The following IFNAR2 variants were observed in gnomAD, a reference collection of about 807,000 sequenced individuals.
The protein encoded by IFNAR2 is interferon alpha and beta receptor subunit 2, also known as interferon alpha/beta receptor 2.
Under a neutral mutation model 49.4 loss-of-function variants are expected in IFNAR2, and 30 were observed. The observed-to-expected ratio is 0.61, with a 90% CI of 0.45 to 0.82. The LOEUF is 0.82. IFNAR2 is among the 40% of genes least tolerant of loss of function. The pLI is 0.00. For missense variants in IFNAR2, 600 were observed against 622.7 expected, an observed-to-expected ratio of 0.96 and a Z score of 0.39; for synonymous variants, 224 against 234.5, an observed-to-expected ratio of 0.96 and a Z score of 0.41.
At position 33,246,698 on chromosome 21, in the gene IFNAR2, C is replaced by G. The variant is rs2123483775; in HGVS notation, c.222-20C>G. 1 of 1,598,346 alleles carries G rather than the reference C, an allele frequency of 6.3e-7. No individual in the cohort carries two copies. Among genetic ancestry groups the G allele is most frequent in the African/African-American group, 1.3e-5 (1 of 74,130 alleles). On this transcript the variant is annotated intron_variant, in intron 4 of 8. Coordinates refer to ENST00000342136, the MANE Select transcript of IFNAR2 (RefSeq NM_001289125.3). ...CATCAATGCTAACAATTTCCTTTTT[C>G]CATTTTTTTCTTTCCAAAGTAAACC...
Position 33,263,909 on chromosome 21 carries a change from C to CAATG in IFNAR2, c.*410_*413dup, listed in dbSNP as rs1304847438. 3 of 157,482 alleles carry CAATG rather than the reference C, an allele frequency of 1.9e-5. No homozygotes were observed. Among genetic ancestry groups the CAATG allele is most frequent in the African/African-American group, 7.5e-5 (3 of 40,008 alleles). 9.8% of individuals were successfully genotyped at this position (157,482 alleles called of 1,614,324 possible). ...TCGTTCTGTCGCCCAAGCTGGAGCG[C>CAATG]AATGGTGTGATCTTGGCTCACTGCA... On this transcript the variant is annotated 3_prime_UTR_variant, in exon 9 of 9. Transcript: ENST00000342136.
intron 2 of IFNAR2, among the ~76,000 whole-genome samples, chr21:33,242,988 C>A (rs1322383460): frequency 6.6e-6 from 1 of 151,404 alleles, no homozygotes; most frequent in Non-Finnish European, 1.5e-5. Context: ...AAGGTTTCAC[C>A]ATGTTGGCCA....
intron 8 of IFNAR2, 164 bp from the exon 9 acceptor site, chr21:33,262,629 T>C (rs943619241): frequency 2.1e-5 from 21 of 988,784 alleles, no homozygotes; most frequent in Non-Finnish European, 3.0e-5. Context: ...CACTACAGTC[T>C]GAAACTCCTG....
intron 1 of IFNAR2, among the ~76,000 whole-genome samples, chr21:33,233,540 A>T (rs2123440816): frequency 6.6e-6 from 1 of 152,324 alleles, no homozygotes; most frequent in East Asian, 1.9e-4. Flanking sequence ...AAGAAGAAAA[A>T]GTAAAGGAGG....
intron 3 of IFNAR2, among the ~76,000 whole-genome samples, chr21:33,244,092 T>A (rs955914073): frequency 1.3e-5 from 2 of 152,222 alleles, no homozygotes; most frequent in Non-Finnish European, 2.9e-5. Context: ...AATTTTTTTT[T>A]AACTAAACTT....
chr21:33,252,984 G>T (rs908674077), intron 7 of IFNAR2, 154 bp downstream of exon 7: 5 of 707,340 alleles, frequency 7.1e-6, no homozygotes, highest in Non-Finnish European at 1.3e-5. Context: ...GTTGGTTCGT[G>T]TGTATGATCT....
At chr21:33,240,064 GC>G (rs1393006539) in intron 1 of IFNAR2, among the ~76,000 whole-genome samples, 1 of 151,634 alleles carries the variant, frequency 6.6e-6, no homozygotes, top group African/African-American at 2.4e-5. Flanking sequence ...TCCCTTCTGG[GC>G]CCCAGAGTGG....
At chr21:33,243,264 A>T (rs1417142883) in intron 2 of IFNAR2, among the ~76,000 whole-genome samples, 1 of 151,984 alleles carries the variant, frequency 6.6e-6, no homozygotes, top group Non-Finnish European at 1.5e-5. Context: ...TTGTATTTTT[A>T]GTAGAGACAG....
chr21:33,262,595 C>G, intron 8 of IFNAR2, 198 bp from the exon 9 acceptor site: 1 of 756,870 alleles, frequency 1.3e-6, no homozygotes, highest in Admixed American at 2.0e-5. Context: ...AATGCAGTGG[C>G]TATTCACAGG....
chr21:33,247,596 A>G (rs1293739901), intron 5 of IFNAR2, among the ~76,000 whole-genome samples: 4 of 151,898 alleles, frequency 2.6e-5, no homozygotes, highest in East Asian at 1.9e-4. Flanking sequence ...TTATAACCCA[A>G]TGTTCTTTTG....
chr21:33,253,194 G>T (rs1987981706), intron 7 of IFNAR2, among the ~76,000 whole-genome samples: 1 of 152,198 alleles, frequency 6.6e-6, no homozygotes, highest in Admixed American at 6.5e-5. Context: ...GTGGCATTAA[G>T]GGGTGAAAAG....
chr21:33,242,761 GT>G (rs2123471064), intron 2 of IFNAR2, among the ~76,000 whole-genome samples: 9 of 708 alleles, frequency 0.013, 3 homozygotes, highest in Non-Finnish European at 0.027. Context: ...TCGTGTGCGT[GT>G]GTGTGTGTGT....
chr21:33,239,781 G>C (rs1986777163), intron 1 of IFNAR2, among the ~76,000 whole-genome samples: 1 of 150,890 alleles, frequency 6.6e-6, no homozygotes, highest in Non-Finnish European at 1.5e-5. Flanking sequence ...AGCCCTCAAT[G>C]TTGTGAGCTA....
chr21:33,247,750 TACTTTTTC>T (rs1273073424), intron 5 of IFNAR2, among the ~76,000 whole-genome samples: 1 of 152,224 alleles, frequency 6.6e-6, no homozygotes, highest in Non-Finnish European at 1.5e-5. Context: ...CCAGCTGTGT[TACTTTTTC>T]AATTTCCCAC....
At chr21:33,243,862 T>A (rs1401475580) in intron 3 of IFNAR2, 148 bp downstream of exon 3, 2 of 688,918 alleles carry the variant, frequency 2.9e-6, no homozygotes, top group Non-Finnish European at 5.2e-6. Flanking sequence ...TAAAAGGAGC[T>A]AAAATGAGCT....
intron 7 of IFNAR2, among the ~76,000 whole-genome samples, chr21:33,254,712 G>A (rs1988091634): frequency 6.6e-6 from 1 of 152,098 alleles, no homozygotes; most frequent in Non-Finnish European, 1.5e-5. Context: ...CCTATGACCT[G>A]GAAGCCCCCC....
rs772270959 is a variant in IFNAR2, at chr21:33,260,571, A to G, written c.710-26A>G. 4.0e-5 allele frequency: 63 copies of G among 1,574,624 alleles called. 1 individual carries two copies. Among genetic ancestry groups the G allele is most frequent in the Middle Eastern group, 1.7e-4 (1 of 5,972 alleles). On this transcript the variant is annotated intron_variant, in intron 7 of 8. Transcript: ENST00000342136. ...AATTGTTTATTGCATTTTTTGAAAT[A>G]AAGTCATTTAATTTTTCATCAACAG...
rs1988887033 is a variant in IFNAR2, at chr21:33,265,268, C to G, written c.*1768C>G. 1 of 152,248 alleles carries G rather than the reference C, an allele frequency of 6.6e-6. No homozygotes were observed. The highest frequency in any genetic ancestry group is 1.5e-5 in the Non-Finnish European group (1 of 68,084). 9.4% of individuals were successfully genotyped at this position (152,248 alleles called of 1,614,324 possible). ...AGAAGCTCCCAGGATGAATGAAAGG[C>G]ACAGGACCTCTTACCCCTCACCCCT... is the stretch of plus-strand genomic sequence containing the variant. On this transcript the variant is annotated 3_prime_UTR_variant, in exon 9 of 9. Transcript: ENST00000342136.
chr21:33,255,670 T>C (rs1171629907), intron 7 of IFNAR2, among the ~76,000 whole-genome samples: 2 of 152,170 alleles, frequency 1.3e-5, no homozygotes, highest in African/African-American at 4.8e-5. Context: ...GTTCACAGTT[T>C]GTATTGGGTT....
Sources: allele counts gnomAD v4.1 joint callset (sites outside exome capture counted in the v4.1 genomes callset), GRCh38; gene constraint gnomAD v4.1.1; transcripts MANE v1.5; gene names NCBI Gene and HGNC (gene_info 2026-07-23, HGNC 2026-07-21).